BTNL8: variants seen among roughly 807,000 people sequenced by gnomAD.
BTNL8 encodes butyrophilin like 8.
In BTNL8, 22 loss-of-function variants were observed where a neutral mutation model predicts 36.1. That is an observed-to-expected ratio of 0.61 (90% confidence interval 0.44 to 0.87). The LOEUF (loss-of-function observed/expected upper bound fraction) is 0.87, where lower values mean the gene tolerates loss of function less well. Among genes scored for constraint, BTNL8 ranks in the 40% least tolerant of loss-of-function variants. The probability of loss-of-function intolerance (pLI) is 0.00; values close to 1 mark genes in which losing one functional copy is unlikely to be tolerated. For missense variants in BTNL8, 526 were observed against 616.9 expected, an observed-to-expected ratio of 0.85 and a Z score of 1.56; for synonymous variants, 203 against 235.6, an observed-to-expected ratio of 0.86 and a Z score of 1.27.
Position 180,944,674 on chromosome 5 carries a change from G to C in BTNL8, c.674-2838G>C, listed in dbSNP as rs545197143. On this transcript the variant is annotated intron_variant, in intron 3 of 7. Transcript: ENST00000340184. ...CAAAATAGCTAGAAAAGAGGATTTT[G>C]AATGTTCTCACCTTAAATGATCAAT... Among the ~76,000 whole-genome samples the C allele has an allele frequency of 3.3e-4, 50 of 152,268 alleles. 1 individual carries two copies. Among genetic ancestry groups the C allele is most frequent in the African/African-American group, 1.1e-3 (47 of 41,566 alleles).
chr5:180,911,658 C>T lies in BTNL8; in HGVS notation c.673+44C>T, dbSNP rs377421412. 36 of 1,549,470 alleles carry T rather than the reference C, an allele frequency of 2.3e-5. 1 individual carries two copies. The highest frequency in any genetic ancestry group is 4.5e-5 in the East Asian group (2 of 44,036). On this transcript the variant is annotated intron_variant, in intron 3 of 7. Transcript: ENST00000340184. ...AGAAGAGAAGGAGGGGTGGATGCTT[C>T]GGTAACTCAGAGGGAGGACAGGAGC...
In BTNL8 at chr5:180,907,122, C is replaced by T. The variant is rs1488118742; in HGVS notation, c.50-1464C>T. ...GGATAATATACTGCAGAGTGTTTTC[C>T]AACTTGGTTCCATTCTCCCCATCAC... On this transcript the variant is annotated intron_variant, in intron 1 of 7. Transcript: ENST00000340184. 2.5e-5 allele frequency among the ~76,000 whole-genome samples: 3 copies of T among 117,656 alleles called. 1 individual carries two copies. Among genetic ancestry groups the T allele is most frequent in the African/African-American group, 8.9e-5 (2 of 22,514 alleles). The allele number at this position is 117,656 out of a possible 152,430, so 77.2% of individuals were successfully genotyped here.
intron 3 of BTNL8, among the ~76,000 whole-genome samples, chr5:180,922,903 G>C (rs1299007609): frequency 6.6e-6 from 1 of 152,128 alleles, no homozygotes; most frequent in African/African-American, 2.4e-5. Context: ...ATTCAGGATA[G>C]TTATGTTTGT....
intron 3 of BTNL8, among the ~76,000 whole-genome samples, chr5:180,915,651 T>C (rs1757594773): frequency 6.6e-6 from 1 of 152,164 alleles, no homozygotes; most frequent in African/African-American, 2.4e-5. Context: ...AGACAAAATA[T>C]ACTGTCAAAC....
rs138408550 is a variant in BTNL8, at chr5:180,911,468, C to T, written c.527C>T (p.Ser176Phe). 3.2e-4 allele frequency: 522 copies of T among 1,614,174 alleles called. No individual in the cohort carries two copies. The African/African-American group carries it at 6.4e-3, about 20-fold the overall frequency. ...KWKGPQGQDLSTDSRTNRDMH... is the reference protein window; with the variant it reads ...KWKGPQGQDLFTDSRTNRDMH... The stretch of plus-strand genomic sequence containing the variant: ...AAAGGTCCACAAGGACAGGATTTGT[C>T]CACAGACTCCAGGACAAACAGAGAC... Residue 176 changes from serine (S) to phenylalanine (F), a missense_variant, in exon 3 of 8, where the codon TCC becomes TTC. Physicochemically the swap from Ser to Phe is radical, Grantham distance 155. Coordinates refer to ENST00000340184, the MANE Select transcript of BTNL8 (RefSeq NM_001040462.3).
chr5:180,903,713 G>A (rs1421807867), intron 1 of BTNL8, among the ~76,000 whole-genome samples: 10 of 94,792 alleles, frequency 1.1e-4, no homozygotes, highest in African/African-American at 4.3e-4. Flanking sequence ...AAGGTGTAAG[G>A]AAGGGATCCA....
intron 3 of BTNL8, among the ~76,000 whole-genome samples, chr5:180,927,284 A>C (rs1758148085): frequency 6.6e-6 from 1 of 152,192 alleles, no homozygotes; most frequent in African/African-American, 2.4e-5. Flanking sequence ...ATCAACATCA[A>C]CACAACAAAA....
chr5:180,910,090 T>G (rs1757321795), intron 2 of BTNL8, among the ~76,000 whole-genome samples: 2 of 152,134 alleles, frequency 1.3e-5, no homozygotes, highest in Admixed American at 6.5e-5. Context: ...GGCTAAGCTG[T>G]CCTGGTCTTT....
intron 3 of BTNL8, among the ~76,000 whole-genome samples, chr5:180,928,621 T>G (rs1758215631): frequency 6.6e-6 from 1 of 151,990 alleles, no homozygotes; most frequent in Non-Finnish European, 1.5e-5. Context: ...TGGAGGAAAT[T>G]TACCAACCAA....
chr5:180,899,522 T>C (rs1391208179), intron 1 of BTNL8, among the ~76,000 whole-genome samples, 163 bp downstream of exon 1: 2 of 152,168 alleles, frequency 1.3e-5, no homozygotes, highest in Non-Finnish European at 1.5e-5. Flanking sequence ...ACAATTATAG[T>C]AGCCCCCAAA....
At chr5:180,920,229 T>C (rs186651501) in intron 3 of BTNL8, among the ~76,000 whole-genome samples, 35 of 152,210 alleles carry the variant, frequency 2.3e-4, no homozygotes, top group Admixed American at 8.5e-4. Flanking sequence ...AACCATATGG[T>C]ACTGGCATAA....
At chr5:180,900,048 T>C (rs1213090405) in intron 1 of BTNL8, among the ~76,000 whole-genome samples, 2 of 152,210 alleles carry the variant, frequency 1.3e-5, no homozygotes, top group Non-Finnish European at 1.5e-5. Context: ...TGTCCACCTA[T>C]ATCTTTTTTG....
At chr5:180,936,306 T>C (rs1758652305) in intron 3 of BTNL8, among the ~76,000 whole-genome samples, 1 of 152,110 alleles carries the variant, frequency 6.6e-6, no homozygotes, top group African/African-American at 2.4e-5. Flanking sequence ...TAAAATTGTC[T>C]CTATTTAGTA....
rs1759503339 is a variant in BTNL8 at position 180,950,445 on chromosome 5, A to C, written c.1404A>C (p.Lys468Asn). 1 of 1,464,058 alleles carries C rather than the reference A, an allele frequency of 6.8e-7. No individual in the cohort carries two copies. The highest frequency in any genetic ancestry group is 1.9e-5 in the Admixed American group (1 of 53,492). The allele number at this position is 1,464,058 out of a possible 1,614,324, so 90.7% of individuals were successfully genotyped here. The change falls in exon 8 of 8, where the codon AAA becomes AAC. Residue 468 changes from lysine (K) to asparagine (N), a missense_variant. This residue lies in a region of BTNL8 where 176 missense variants were observed against 292.3 expected (regional missense o/e 0.60). Transcript: ENST00000340184. ...VICPVTQESE[K>N]EASWQRASAI... ...GCCCAGTCACCCAGGAATCAGAGAA[A>C]GAGGCCTCTTGGCAAAGGGCCTCTG... is the stretch of plus-strand genomic sequence containing the variant.
At position 180,908,768 on chromosome 5, in the gene BTNL8, A is replaced by C. The variant is rs1041955738; in HGVS notation, c.232A>C (p.Met78Leu). 21 of 1,614,174 alleles carry C rather than the reference A, an allele frequency of 1.3e-5. No homozygotes were observed. The highest frequency in any genetic ancestry group is 1.8e-5 in the Non-Finnish European group (21 of 1,180,034). ...RDGKDQPFMQMPQYQGRTKLV... is the reference protein window; with the variant it reads ...RDGKDQPFMQLPQYQGRTKLV... ...CGGGAAGGACCAGCCATTTATGCAG[A>C]TGCCACAGTATCAAGGCAGGACAAA... The change falls in exon 2 of 8, where the codon ATG (methionine) becomes CTG (leucine). Residue 78 changes from methionine (M) to leucine (L), a missense_variant. This residue lies in a region of BTNL8 where 350 missense variants were observed against 324.6 expected (regional missense o/e 1.08). Transcript: ENST00000340184.
At chr5:180,925,421 C>A (rs1024544130) in intron 3 of BTNL8, among the ~76,000 whole-genome samples, 1 of 152,170 alleles carries the variant, frequency 6.6e-6, no homozygotes, top group Non-Finnish European at 1.5e-5. Flanking sequence ...TGAACCATAT[C>A]GCATTCAAGA....
At chr5:180,920,584 T>C (rs1204691256) in intron 3 of BTNL8, among the ~76,000 whole-genome samples, 1 of 151,808 alleles carries the variant, frequency 6.6e-6, no homozygotes, top group Non-Finnish European at 1.5e-5. Context: ...AAAGCAAAAA[T>C]GAACAAGTAA....
rs1286519926 is a variant in BTNL8, at chr5:180,949,539, T to G, written c.862+274T>G. On this transcript the variant is annotated intron_variant, in intron 7 of 7. Coordinates refer to ENST00000340184, the MANE Select transcript of BTNL8 (RefSeq NM_001040462.3). ...GGGAATTGAGGGCACTAGTGACTGG[T>G]CAGGGGTCTGAGCTGAGGGGAAGGA... 12 of 566,042 alleles carry G rather than the reference T, an allele frequency of 2.1e-5. 2 individuals are homozygous for G. Among genetic ancestry groups the G allele is most frequent in the Non-Finnish European group, 3.6e-5 (12 of 333,030 alleles). 35.1% of individuals were successfully genotyped at this position (566,042 alleles called of 1,614,324 possible).
At chr5:180,938,601 G>A (rs998434469) in intron 3 of BTNL8, among the ~76,000 whole-genome samples, 3 of 149,630 alleles carry the variant, frequency 2.0e-5, no homozygotes, top group African/African-American at 7.4e-5. Context: ...CCACTGGCAC[G>A]ATTTCGGCTC....
Sources: allele counts gnomAD v4.1 joint callset (sites outside exome capture counted in the v4.1 genomes callset), GRCh38; gene constraint gnomAD v4.1.1; regional missense constraint gnomAD v4.1.1; transcripts MANE v1.5; gene names NCBI Gene and HGNC (gene_info 2026-07-23, HGNC 2026-07-21).